The following CLCN5 variants were observed in gnomAD, a reference collection of about 807,000 sequenced individuals.
CLCN5 encodes H(+)/Cl(-) exchange transporter 5.
Under a neutral mutation model 54.0 loss-of-function variants are expected in CLCN5, and 17 were observed. The ratio of observed to expected loss-of-function variants is 0.31; its 90% confidence interval spans 0.22 to 0.47. CLCN5 has a LOEUF of 0.47. Ranked by LOEUF, CLCN5 falls within the 20% of genes least tolerant of loss-of-function variation. The probability of loss-of-function intolerance (pLI) is 1.00; values close to 1 mark genes in which losing one functional copy is unlikely to be tolerated. For missense variants in CLCN5, 448 were observed against 646.7 expected, an observed-to-expected ratio of 0.69 and a Z score of 3.33; for synonymous variants, 222 against 233.0, an observed-to-expected ratio of 0.95 and a Z score of 0.43.
Position 50,076,095 on chromosome X carries a change from AAAG to A in CLCN5, c.603+114_603+116del. The A allele has an allele frequency of 7.0e-6, 5 of 714,003 alleles. No individual in the cohort carries two copies. The East Asian group carries it at 1.7e-4, about 25-fold the overall frequency. The allele number at this position is 714,003 out of a possible 1,213,427, so 58.8% of individuals were successfully genotyped here. A position where few individuals can be genotyped will look rare whatever the true frequency, so the allele number is the denominator to read the frequency against. On this transcript the variant is annotated intron_variant, in intron 7 of 14. Transcript: ENST00000376091. Reference sequence around the variant, plus strand: ...TCTTCCTTTATTTTCCTTTCCACAGAAAGGGGAACCAGTACCAGCTGCCTTTCT... The same window carrying A: ...TCTTCCTTTATTTTCCTTTCCACAGAGGGAACCAGTACCAGCTGCCTTTCT...
chrX:49,923,389 CT>C lies in CLCN5; in HGVS notation c.-204-15del, dbSNP rs1273697318. 1 of 112,896 alleles carries C rather than the reference CT, an allele frequency of 8.9e-6. No individual in the cohort carries two copies. Among genetic ancestry groups the C allele is most frequent in the African/African-American group, 3.2e-5 (1 of 31,057 alleles). The allele number at this position is 112,896 out of a possible 1,213,427, so 9.3% of individuals were successfully genotyped here. ...TTGCCTTTACATTGACGCACGTTTC[CT>C]TTGATTAACATTTCAGAGCAAATCA... is the stretch of plus-strand genomic sequence containing the variant. On this transcript the variant is annotated splice_polypyrimidine_tract_variant and intron_variant, in intron 1 of 14. Coordinates refer to ENST00000376091, the MANE Select transcript of CLCN5 (RefSeq NM_001127898.4).
chrX:49,962,999 G>C (rs1557174945), intron 3 of CLCN5, among the ~76,000 whole-genome samples: 1 of 111,916 alleles, frequency 8.9e-6, no homozygotes, highest in African/African-American at 3.3e-5. Context: ...TGAGCAGCCA[G>C]TGACTCCAGA....
chrX:50,027,366 G>A (rs782468379), intron 3 of CLCN5, among the ~76,000 whole-genome samples: 10 of 111,464 alleles, frequency 9.0e-5, no homozygotes, highest in Non-Finnish European at 1.7e-4. Context: ...TATGTCTTTT[G>A]TAATTGTTCC....
intron 3 of CLCN5, among the ~76,000 whole-genome samples, chrX:49,989,979 C>T (rs1602018066): frequency 2.7e-5 from 3 of 111,546 alleles, no homozygotes; most frequent in South Asian, 7.6e-4. Context: ...ATCATTTCTC[C>T]GTTATGTACT....
At chrX:50,046,071 A>G (rs977416774) in intron 4 of CLCN5, among the ~76,000 whole-genome samples, 5 of 112,559 alleles carry the variant, frequency 4.4e-5, no homozygotes, top group Admixed American at 1.9e-4. Context: ...TATGCATGGC[A>G]TGGTTAAATG....
chrX:49,981,492 T>A (rs1316310124), intron 3 of CLCN5, among the ~76,000 whole-genome samples: 2 of 111,657 alleles, frequency 1.8e-5, no homozygotes, highest in African/African-American at 6.5e-5. Context: ...CAGAAAATAC[T>A]ATGGATATTT....
At chrX:49,927,204 T>TTAA (rs1925391633) in intron 3 of CLCN5, among the ~76,000 whole-genome samples, 3 of 112,297 alleles carry the variant, frequency 2.7e-5, no homozygotes, top group Non-Finnish European at 3.8e-5. Context: ...TATTTTTTTC[T>TTAA]CTGTAGTTAA....
chrX:50,078,047 C>T (rs1251622853), intron 7 of CLCN5, among the ~76,000 whole-genome samples: 7 of 103,753 alleles, frequency 6.7e-5, no homozygotes, highest in Non-Finnish European at 1.2e-4. Flanking sequence ...AAAAAATCCT[C>T]TCCTCCAAGG....
intron 3 of CLCN5, among the ~76,000 whole-genome samples, chrX:49,925,765 A>G (rs1229015770): frequency 8.9e-6 from 1 of 112,181 alleles, no homozygotes; most frequent in East Asian, 2.8e-4. Context: ...AGCATATTTA[A>G]TGTTACAGTG....
chrX:50,048,288 C>T (rs782339403), intron 4 of CLCN5, among the ~76,000 whole-genome samples: 42 of 112,633 alleles, frequency 3.7e-4, no homozygotes, highest in Non-Finnish European at 6.8e-4. Flanking sequence ...AATGCTTGCT[C>T]GCCCTCTGCT....
At chrX:50,090,967 C>A in intron 14 of CLCN5, 81 bp downstream of exon 14, 12 of 854,276 alleles carry the variant, frequency 1.4e-5, no homozygotes, top group Non-Finnish European at 2.1e-5. Flanking sequence ...AGAAGTAGAA[C>A]CCAGTTTAAA....
chrX:49,990,536 C>T (rs1929206932), intron 3 of CLCN5, among the ~76,000 whole-genome samples: 2 of 111,309 alleles, frequency 1.8e-5, no homozygotes, highest in Admixed American at 1.9e-4. Context: ...CTCCCAGGTT[C>T]AAGCAATTCT....
chrX:49,977,456 G>A (rs782207519), intron 3 of CLCN5, among the ~76,000 whole-genome samples: 1 of 111,541 alleles, frequency 9.0e-6, no homozygotes, highest in South Asian at 3.8e-4. Context: ...GTGAAACAAT[G>A]TGGCCAAAGT....
At chrX:49,961,226 A>G (rs1209323713) in intron 3 of CLCN5, among the ~76,000 whole-genome samples, 1 of 112,014 alleles carries the variant, frequency 8.9e-6, no homozygotes, top group Non-Finnish European at 1.9e-5. Flanking sequence ...TTATTGACAA[A>G]TGTTTTTACC....
intron 3 of CLCN5, among the ~76,000 whole-genome samples, chrX:49,950,730 T>TAGTA (rs782646503): frequency 0.072 from 8,048 of 111,033 alleles, 738 homozygotes; most frequent in African/African-American, 0.25. Flanking sequence ...TGTGGGTACA[T>TAGTA]AGTGTATATA....
At chrX:50,062,369 TAAAAC>T (rs1329208705) in intron 4 of CLCN5, among the ~76,000 whole-genome samples, 34 of 56,005 alleles carry the variant, frequency 6.1e-4, no homozygotes, top group South Asian at 2.2e-3. Context: ...TAGTCTCTGA[TAAAAC>T]AGACTTTAAA....
rs782394041 is a variant in CLCN5, at chrX:50,075,782, C to G, written c.416-13C>G. On this transcript the variant is annotated splice_polypyrimidine_tract_variant and intron_variant, in intron 6 of 14. Coordinates refer to ENST00000376091, the MANE Select transcript of CLCN5 (RefSeq NM_001127898.4). ...GTTTAACTTTGGCCTTTCCCTCCCTCCCCACAAATCAGGTTCGTTAGCTGG... is the reference window on the plus strand; with the variant it reads ...GTTTAACTTTGGCCTTTCCCTCCCTGCCCACAAATCAGGTTCGTTAGCTGG... 2.5e-6 allele frequency: 3 copies of G among 1,208,417 alleles called. No homozygotes were observed. In the Admixed American group the frequency reaches 6.5e-5, roughly 26 times the overall value.
intron 3 of CLCN5, among the ~76,000 whole-genome samples, chrX:50,039,290 T>C (rs1313023408): frequency 1.8e-5 from 2 of 111,687 alleles, no homozygotes; most frequent in African/African-American, 3.3e-5. Context: ...CAAGACTCTG[T>C]CTCAAAAACA....
At chrX:49,924,599 T>C (rs1248134011) in intron 2 of CLCN5, among the ~76,000 whole-genome samples, 1 of 112,256 alleles carries the variant, frequency 8.9e-6, no homozygotes, top group Non-Finnish European at 1.9e-5. Flanking sequence ...ATTTTCCCCC[T>C]GATTATAAAA....
Sources: allele counts gnomAD v4.1 joint callset (sites outside exome capture counted in the v4.1 genomes callset), GRCh38; gene constraint gnomAD v4.1.1; transcripts MANE v1.5; gene names NCBI Gene and HGNC (gene_info 2026-07-23, HGNC 2026-07-21).